Variants in EYA2 observed in about 807,000 individuals in gnomAD.
EYA2 encodes EYA transcriptional coactivator and phosphatase 2, also known as protein phosphatase EYA2.
EYA2 carries 31 observed loss-of-function variants against 69.2 expected under a neutral mutation model. That is an observed-to-expected ratio of 0.45 (90% CI 0.34 to 0.60). The LOEUF is 0.60. Ranked by LOEUF, EYA2 falls within the 20% of genes least tolerant of loss-of-function variation. The pLI, the probability that EYA2 is intolerant of heterozygous loss-of-function variation, is 0.02. For synonymous variants in EYA2, 257 were observed against 279.4 expected, an observed-to-expected ratio of 0.92 and a Z score of 0.80; for missense variants, 622 against 701.2, an observed-to-expected ratio of 0.89 and a Z score of 1.28.
At chr20:47,008,478 C>T (rs1045332939) in intron 4 of EYA2, among the ~76,000 whole-genome samples, 2 of 152,208 alleles carry the variant, frequency 1.3e-5, no homozygotes, top group African/African-American at 4.8e-5. Flanking sequence ...CTTTTTTCCC[C>T]TGCTGTGCTA....
chr20:47,038,309 G>A (rs1984832876), intron 5 of EYA2, among the ~76,000 whole-genome samples: 1 of 152,086 alleles, frequency 6.6e-6, no homozygotes. Flanking sequence ...AGACCAGCCT[G>A]GGCAACATGG....
At chr20:46,966,265 G>T (rs1253273138) in intron 1 of EYA2, among the ~76,000 whole-genome samples, 1 of 152,128 alleles carries the variant, frequency 6.6e-6, no homozygotes, top group Non-Finnish European at 1.5e-5. Flanking sequence ...GGGATTACAG[G>T]GATGAGCCAC....
intron 2 of EYA2, among the ~76,000 whole-genome samples, chr20:46,995,613 G>A (rs1022809847): frequency 4.6e-5 from 7 of 152,200 alleles, no homozygotes; most frequent in African/African-American, 1.7e-4. Context: ...TACCTTTATA[G>A]CAGAGACCTG....
At chr20:47,101,176 C>G (rs971287930) in intron 9 of EYA2, among the ~76,000 whole-genome samples, 1 of 152,188 alleles carries the variant, frequency 6.6e-6, no homozygotes, top group South Asian at 2.1e-4. Flanking sequence ...ACCTCAAACT[C>G]CTCACTCAAG....
chr20:47,121,386 C>T (rs9753692), intron 9 of EYA2, among the ~76,000 whole-genome samples: 3,510 of 152,294 alleles, frequency 0.023, 129 homozygotes, highest in African/African-American at 0.078. Flanking sequence ...AGCCACCGTG[C>T]CCCGCCAGAA....
intron 4 of EYA2, among the ~76,000 whole-genome samples, chr20:47,013,343 G>A (rs1983195448): frequency 6.6e-6 from 1 of 152,226 alleles, no homozygotes. Flanking sequence ...TAGAGAAGAG[G>A]GAGGTGTGGA....
intron 10 of EYA2, among the ~76,000 whole-genome samples, chr20:47,147,707 C>T (rs1278446051): frequency 1.3e-5 from 2 of 152,130 alleles, no homozygotes; most frequent in African/African-American, 2.4e-5. Flanking sequence ...AGCAGGCATC[C>T]GCATTAAATC....
intron 5 of EYA2, among the ~76,000 whole-genome samples, chr20:47,069,843 CAT>C (rs2031247658): frequency 7.3e-6 from 1 of 136,928 alleles, no homozygotes; most frequent in South Asian, 2.3e-4. Context: ...TATATACACA[CAT>C]ATACATACAT....
chr20:47,012,103 G>A lies in EYA2; in HGVS notation c.299-4078G>A, dbSNP rs1005295846. On this transcript the variant is annotated intron_variant, in intron 4 of 15. Coordinates refer to ENST00000327619, the MANE Select transcript of EYA2 (RefSeq NM_005244.5). ...ATCTGTATCTCCTGACCTGTTGCAG[G>A]TGCTGAGCTAATAGTTGTGAATGAG... Among the ~76,000 whole-genome samples the A allele has an allele frequency of 3.8e-4, 58 of 152,330 alleles. 1 individual carries two copies. The highest frequency in any genetic ancestry group is 1.3e-3 in the African/African-American group (55 of 41,574).
intron 9 of EYA2, among the ~76,000 whole-genome samples, chr20:47,138,157 TAA>T (rs201474537): frequency 0.018 from 2,597 of 144,658 alleles, 110 homozygotes; most frequent in East Asian, 0.17. Context: ...AACTAAAAAT[TAA>T]AAAAAAAAAA....
intron 1 of EYA2, among the ~76,000 whole-genome samples, chr20:46,895,544 T>G (rs958686423): frequency 2.6e-5 from 4 of 152,206 alleles, no homozygotes; most frequent in African/African-American, 7.2e-5. Flanking sequence ...CTGGTTCAGG[T>G]CTGGGGCTTT....
intron 7 of EYA2, among the ~76,000 whole-genome samples, chr20:47,082,228 TATA>T (rs1249838233): frequency 2.0e-5 from 3 of 152,306 alleles, no homozygotes; most frequent in South Asian, 4.1e-4. Flanking sequence ...GACAGTTAAA[TATA>T]ATAATTTTCA....
At chr20:47,016,829 A>T (rs757719682) in intron 5 of EYA2, among the ~76,000 whole-genome samples, 2 of 152,202 alleles carry the variant, frequency 1.3e-5, no homozygotes, top group Non-Finnish European at 2.9e-5. Flanking sequence ...GTAGGAGGAG[A>T]GAATCTTGGA....
intron 8 of EYA2, among the ~76,000 whole-genome samples, chr20:47,092,856 G>A (rs946388924): frequency 2.0e-5 from 3 of 152,192 alleles, no homozygotes; most frequent in African/African-American, 7.2e-5. Context: ...AATGACTGAA[G>A]CCCACGGGAG....
At chr20:47,111,225 A>G (rs2032739925) in intron 9 of EYA2, among the ~76,000 whole-genome samples, 1 of 152,258 alleles carries the variant, frequency 6.6e-6, no homozygotes, top group Non-Finnish European at 1.5e-5. Flanking sequence ...GAGGATTTTT[A>G]AAAGATCATT....
At chr20:46,936,055 A>G (rs1222602926) in intron 1 of EYA2, among the ~76,000 whole-genome samples, 58 of 152,198 alleles carry the variant, frequency 3.8e-4, no homozygotes, top group Non-Finnish European at 1.6e-4. Context: ...TATATAATGC[A>G]AATATTCCAA....
chr20:47,150,769 A>G (rs1240054945), intron 10 of EYA2, among the ~76,000 whole-genome samples: 1 of 152,018 alleles, frequency 6.6e-6, no homozygotes, highest in East Asian at 2.0e-4. Flanking sequence ...TTCCAGGCAC[A>G]TTCCAGGCAG....
chr20:47,143,796 A>T (rs915939080), intron 10 of EYA2, among the ~76,000 whole-genome samples: 5 of 152,222 alleles, frequency 3.3e-5, no homozygotes, highest in African/African-American at 1.2e-4. Context: ...ACACAAAGGC[A>T]AGCGGAAGCA....
intron 1 of EYA2, among the ~76,000 whole-genome samples, chr20:46,909,913 C>T (rs1984563002): frequency 6.9e-6 from 1 of 145,402 alleles, no homozygotes; most frequent in Non-Finnish European, 1.5e-5. Flanking sequence ...TTACTTTTCT[C>T]CTCAAACATT....
Sources: gnomAD v4.1 joint callset for allele counts (sites outside exome capture counted in the v4.1 genomes callset) on GRCh38, gnomAD v4.1.1 for gene constraint, MANE v1.5 for transcripts, NCBI Gene and HGNC (gene_info 2026-07-23, HGNC 2026-07-21) for gene names.